Variants in SLC35A1 observed in about 807,000 individuals in gnomAD.
The protein encoded by SLC35A1 is CMP-sialic acid transporter.
In SLC35A1, 21 loss-of-function variants were observed where a neutral mutation model predicts 40.3. The ratio of observed to expected loss-of-function variants is 0.52; its 90% CI spans 0.37 to 0.75. The LOEUF is 0.75. SLC35A1 is among the 30% of genes least tolerant of loss of function. The pLI is 0.00. For synonymous variants in SLC35A1, 146 were observed against 147.3 expected (o/e 0.99, Z 0.06); for missense variants, 297 against 382.1 (o/e 0.78, Z 1.86).
chr6:87,506,239 G>A (rs752394391), intron 4 of SLC35A1, 143 bp from the exon 5 acceptor site: 1 of 692,420 alleles, frequency 1.4e-6, no homozygotes, highest in South Asian at 1.7e-5. Flanking sequence ...TTGTTTAGTT[G>A]TCTTATTCTG....
intron 4 of SLC35A1, among the ~76,000 whole-genome samples, chr6:87,503,947 C>A (rs564199528): frequency 4.6e-5 from 7 of 152,160 alleles, no homozygotes; most frequent in Non-Finnish European, 8.8e-5. Context: ...ACAATAACAG[C>A]TGCAATCATT....
At chr6:87,490,386 T>A (rs1002408960) in intron 2 of SLC35A1, among the ~76,000 whole-genome samples, 1 of 149,920 alleles carries the variant, frequency 6.7e-6, no homozygotes, top group African/African-American at 2.5e-5. Context: ...CAGGCTGGTG[T>A]ACAGTGGCGT....
chr6:87,494,422 A>ATTT (rs61583010), intron 2 of SLC35A1, among the ~76,000 whole-genome samples: 2 of 132,816 alleles, frequency 1.5e-5, no homozygotes, highest in Non-Finnish European at 3.2e-5. Flanking sequence ...AAATATTTGA[A>ATTT]TTTTTTTTTT....
chr6:87,509,581 G>T (rs1414582047), intron 7 of SLC35A1, among the ~76,000 whole-genome samples: 1 of 152,164 alleles, frequency 6.6e-6, no homozygotes, highest in Non-Finnish European at 1.5e-5. Context: ...TTATTTAGAA[G>T]AATGTAGAAA....
chr6:87,510,894 G>T (rs781315843), intron 7 of SLC35A1, among the ~76,000 whole-genome samples: 67 of 151,628 alleles, frequency 4.4e-4, no homozygotes, highest in Admixed American at 9.8e-4. Context: ...GATGAAAAAA[G>T]GGTTAAGACT....
At chr6:87,500,799 G>GT in intron 3 of SLC35A1, 132 bp downstream of exon 3, 1 of 861,202 alleles carries the variant, frequency 1.2e-6, no homozygotes, top group Non-Finnish European at 1.8e-6. Flanking sequence ...CTAGGCTGGA[G>GT]TGCAGTGACG....
intron 5 of SLC35A1, among the ~76,000 whole-genome samples, chr6:87,507,258 G>C (rs909460235): frequency 1.6e-4 from 25 of 152,200 alleles, no homozygotes; most frequent in African/African-American, 5.3e-4. Flanking sequence ...GTAAAATACT[G>C]CTTGTAAATA....
chr6:87,483,356 CT>C (rs1329120071), intron 2 of SLC35A1, among the ~76,000 whole-genome samples: 2 of 152,092 alleles, frequency 1.3e-5, no homozygotes, highest in African/African-American at 4.8e-5. Context: ...TTTAGCCTTT[CT>C]TTCCCCCGAG....
At chr6:87,485,579 A>C (rs1769368680) in intron 2 of SLC35A1, among the ~76,000 whole-genome samples, 1 of 152,082 alleles carries the variant, frequency 6.6e-6, no homozygotes, top group Non-Finnish European at 1.5e-5. Flanking sequence ...GCCTGTCAAC[A>C]TGGTGAGACT....
At chr6:87,475,267 C>T (rs1769035422) in intron 1 of SLC35A1, among the ~76,000 whole-genome samples, 1 of 152,162 alleles carries the variant, frequency 6.6e-6, no homozygotes, top group Admixed American at 6.5e-5. Context: ...TTTTATCAAC[C>T]ATTTAAAAAT....
intron 2 of SLC35A1, among the ~76,000 whole-genome samples, chr6:87,484,001 G>A (rs77778862): frequency 6.6e-6 from 1 of 152,346 alleles, no homozygotes; most frequent in East Asian, 1.9e-4. Context: ...AGGGTTGTCT[G>A]TGATCATTCA....
Position 87,509,150 on chromosome 6 carries a change from A to T in SLC35A1, c.861A>T (p.Ser287=), listed in dbSNP as rs767391452. Residue 287 remains serine, a synonymous_variant, in exon 7 of 8, where the codon TCA becomes TCT. Transcript: ENST00000369552. ...AAAIVLSTIA[S]VMLFGLQITL... ...CCATTGTCCTTTCCACCATTGCTTCAGTAATGCTGTTTGGATTACAGATAA... is the reference window on the plus strand; with the variant it reads ...CCATTGTCCTTTCCACCATTGCTTCTGTAATGCTGTTTGGATTACAGATAA... The T allele has an allele frequency of 5.6e-6, 9 of 1,614,038 alleles. No homozygotes were observed. Among genetic ancestry groups the T allele is most frequent in the Middle Eastern group, 1.6e-4 (1 of 6,084 alleles).
intron 2 of SLC35A1, among the ~76,000 whole-genome samples, chr6:87,487,569 A>G (rs1300302424): frequency 6.6e-6 from 1 of 152,214 alleles, no homozygotes. Context: ...CAACAGCACT[A>G]TAACATGCCT....
At chr6:87,500,367 T>C in intron 2 of SLC35A1, 141 bp from the exon 3 acceptor site, 1 of 811,682 alleles carries the variant, frequency 1.2e-6, no homozygotes, top group South Asian at 1.6e-5. Flanking sequence ...TCTTTTAATC[T>C]AAAACTAGTT....
At chr6:87,501,945 C>T (rs1387088981) in intron 4 of SLC35A1, among the ~76,000 whole-genome samples, 1 of 151,964 alleles carries the variant, frequency 6.6e-6, no homozygotes, top group African/African-American at 2.4e-5. Flanking sequence ...CAGTTATTTC[C>T]CCAAAGAGAA....
At chr6:87,493,797 A>G (rs1769633144) in intron 2 of SLC35A1, among the ~76,000 whole-genome samples, 1 of 152,216 alleles carries the variant, frequency 6.6e-6, no homozygotes, top group Admixed American at 6.5e-5. Context: ...CTTTTTCTCC[A>G]AGTATAATTT....
chr6:87,510,347 GA>G (rs1164022769), intron 7 of SLC35A1, among the ~76,000 whole-genome samples: 2 of 152,080 alleles, frequency 1.3e-5, no homozygotes, highest in Non-Finnish European at 2.9e-5. Flanking sequence ...AAATATATAG[GA>G]ACAGTAGAAA....
chr6:87,486,955 T>C (rs1322808468), intron 2 of SLC35A1, among the ~76,000 whole-genome samples: 1 of 152,098 alleles, frequency 6.6e-6, no homozygotes, highest in Non-Finnish European at 1.5e-5. Flanking sequence ...GGCAGGTGGA[T>C]CACTTGAGGT....
At chr6:87,505,170 T>G (rs1770039666) in intron 4 of SLC35A1, among the ~76,000 whole-genome samples, 1 of 152,188 alleles carries the variant, frequency 6.6e-6, no homozygotes, top group Non-Finnish European at 1.5e-5. Flanking sequence ...TGCAAACAAT[T>G]TAGACCAAGC....
Sources: allele counts gnomAD v4.1 joint callset (sites outside exome capture counted in the v4.1 genomes callset), GRCh38; gene constraint gnomAD v4.1.1; transcripts MANE v1.5; gene names NCBI Gene and HGNC (gene_info 2026-07-23, HGNC 2026-07-21).